The following ADAM12 variants were observed in gnomAD, a reference collection of about 807,000 sequenced individuals.
ADAM12 encodes the protein ADAM metallopeptidase domain 12.
A neutral mutation model predicts 106.4 loss-of-function variants in ADAM12; 70 were observed. The observed-to-expected ratio is 0.66, with a 90% CI of 0.54 to 0.80. The LOEUF is 0.80. ADAM12 is among the 30% of genes least tolerant of loss of function. The probability of loss-of-function intolerance (pLI) is 0.00; values close to 1 mark genes in which losing one functional copy is unlikely to be tolerated. For missense variants in ADAM12, 1,010 were observed against 1,171.9 expected, an observed-to-expected ratio of 0.86 and a Z score of 2.02; for synonymous variants, 420 against 433.5, an observed-to-expected ratio of 0.97 and a Z score of 0.39.
intron 3 of ADAM12, among the ~76,000 whole-genome samples, chr10:126,223,407 G>T (rs1304087636): frequency 6.6e-6 from 1 of 152,196 alleles, no homozygotes; most frequent in Non-Finnish European, 1.5e-5. Flanking sequence ...TTTCTCCAAG[G>T]AAATGATTCT....
intron 4 of ADAM12, among the ~76,000 whole-genome samples, chr10:126,137,206 T>C (rs1163839080): frequency 6.6e-6 from 1 of 152,184 alleles, no homozygotes; most frequent in Non-Finnish European, 1.5e-5. Flanking sequence ...ACATGCTACC[T>C]TGGCATATAT....
chr10:126,086,673 AAAAAAAAATATATAT>A (rs1458895237), intron 11 of ADAM12, among the ~76,000 whole-genome samples: 3 of 57,558 alleles, frequency 5.2e-5, no homozygotes, highest in South Asian at 7.3e-4. Context: ...AAAAAAAAAA[AAAAAAAAATATATAT>A]ATATATATAT....
intron 3 of ADAM12, among the ~76,000 whole-genome samples, chr10:126,255,679 G>A (rs981477876): frequency 9.2e-5 from 14 of 152,134 alleles, no homozygotes; most frequent in African/African-American, 3.1e-4. Flanking sequence ...TGGGGACTTC[G>A]TCTTACCTTT....
intron 4 of ADAM12, among the ~76,000 whole-genome samples, chr10:126,143,579 TTG>T (rs1565092051): frequency 9.3e-6 from 1 of 107,524 alleles, no homozygotes; most frequent in East Asian, 4.9e-4. Flanking sequence ...ATGTGTATAT[TTG>T]TGTGTGTATA....
At chr10:126,155,349 G>T in intron 3 of ADAM12, 44 bp from the exon 4 acceptor site, 1 of 1,546,382 alleles carries the variant, frequency 6.5e-7, no homozygotes, top group Non-Finnish European at 8.9e-7. Context: ...GTGCAGAATT[G>T]CATTGATACA....
chr10:126,124,562 G>C lies in ADAM12; in HGVS notation c.417-6338C>G, dbSNP rs192980427. Among the ~76,000 whole-genome samples the C allele has an allele frequency of 2.8e-3, 421 of 152,170 alleles. 3 individuals carry two copies. The highest frequency in any genetic ancestry group is 4.6e-3 in the Admixed American group (70 of 15,288). On this transcript the variant is annotated intron_variant, in intron 5 of 22. Transcript: ENST00000448723. ...AGGGTGTGGGAGCACGACAGAGGAGGTAAGAGTTTAAACTGTGATAAAACA... is the reference window on the plus strand; with the variant it reads ...AGGGTGTGGGAGCACGACAGAGGAGCTAAGAGTTTAAACTGTGATAAAACA...
chr10:126,036,184 T>C lies in ADAM12; in HGVS notation c.2491A>G (p.Arg831Gly). 6.6e-7 allele frequency: 1 copy of C among 1,525,374 alleles called. No individual in the cohort carries two copies. The highest frequency in any genetic ancestry group is 2.6e-5 in the East Asian group (1 of 38,560). The allele number at this position is 1,525,374 out of a possible 1,614,324, so 94.5% of individuals were successfully genotyped here. ...RAPRAPSVPARPLPAKPALRQ... is the reference protein window; with the variant it reads ...RAPRAPSVPAGPLPAKPALRQ... ...AGTGCAGGCTTGGCTGGCAGGGGTC[T>C]GGCAGGGACGCTAGGTGCACGTGGA... is the stretch of plus-strand genomic sequence containing the variant. Residue 831 changes from arginine to glycine, a missense_variant, in exon 21 of 23, where the codon AGA (arginine) becomes GGA (glycine). Transcript: ENST00000448723.
rs1474710230 is a variant in ADAM12, at chr10:126,275,200, A to C, written c.260+3715T>G. Among the ~76,000 whole-genome samples, 5 of 152,322 alleles carry C rather than the reference A, an allele frequency of 3.3e-5. No homozygotes were observed. The East Asian group carries it at 9.6e-4, about 29-fold the overall frequency. On this transcript the variant is annotated intron_variant, in intron 3 of 22. Transcript: ENST00000448723. ...TCCTAAACTGGAAAAGCTGATGCCA[A>C]AGCTGGCCAGCCTGTCCAATAAAAC...
chr10:126,201,116 G>T (rs966024122), intron 3 of ADAM12, among the ~76,000 whole-genome samples: 1 of 152,154 alleles, frequency 6.6e-6, no homozygotes, highest in African/African-American at 2.4e-5. Context: ...AACGGAGTGA[G>T]AAAAAGGGAT....
intron 3 of ADAM12, among the ~76,000 whole-genome samples, chr10:126,220,149 G>C (rs1958063140): frequency 6.6e-6 from 1 of 152,244 alleles, no homozygotes; most frequent in Non-Finnish European, 1.5e-5. Flanking sequence ...CCACTCTTCA[G>C]AGACATGTGT....
intron 14 of ADAM12, among the ~76,000 whole-genome samples, chr10:126,060,387 G>A (rs570638683): frequency 1.3e-4 from 20 of 152,146 alleles, no homozygotes; most frequent in Non-Finnish European, 2.6e-4. Flanking sequence ...CATCCTGAAT[G>A]TAACTGGAGA....
chr10:126,187,514 A>G (rs983078770), intron 3 of ADAM12, among the ~76,000 whole-genome samples: 2 of 152,130 alleles, frequency 1.3e-5, no homozygotes, highest in Middle Eastern at 3.2e-3. Context: ...CAGAAGGCTC[A>G]GGTCTGGAGT....
chr10:126,117,681 C>T (rs1037430676), intron 6 of ADAM12, among the ~76,000 whole-genome samples: 2 of 145,742 alleles, frequency 1.4e-5, no homozygotes, highest in Admixed American at 1.4e-4. Context: ...GTCATGGTGG[C>T]GCCCAACCCT....
rs549600832 is a variant in ADAM12, at chr10:126,282,998, C to T, written c.187-4010G>A. The stretch of plus-strand genomic sequence containing the variant: ...CACCATAATGTAGCATCAGTGGGAG[C>T]CCTGAGATTATTTTTCTGCAACTAG... On this transcript the variant is annotated intron_variant, in intron 2 of 22. Transcript: ENST00000448723. 3.5e-4 allele frequency among the ~76,000 whole-genome samples: 53 copies of T among 151,852 alleles called. No individual in the cohort carries two copies. The South Asian group carries it at 0.01, about 30-fold the overall frequency.
intron 14 of ADAM12, among the ~76,000 whole-genome samples, chr10:126,051,508 T>TCCAG (rs1301345163): frequency 1.2e-4 from 16 of 133,268 alleles, no homozygotes; most frequent in Admixed American, 5.3e-4. Context: ...CACCCGTCCA[T>TCCAG]CCATCCATCC....
Position 126,376,135 on chromosome 10 carries a change from A to T in ADAM12, c.88+11923T>A, listed in dbSNP as rs556572258. On this transcript the variant is annotated intron_variant, in intron 1 of 22. Coordinates refer to ENST00000448723, the MANE Select transcript of ADAM12 (RefSeq NM_001288973.2). ...TAGAATGAATAAGGAATGTATAGGA[A>T]AAAACAAAACTTACCCTTTCAGGTG... Among the ~76,000 whole-genome samples the T allele has an allele frequency of 5.2e-4, 79 of 152,306 alleles. No individual in the cohort carries two copies. The South Asian group carries it at 0.015, about 28-fold the overall frequency.
Position 126,052,871 on chromosome 10 carries a change from G to A in ADAM12, c.1610-3202C>T, listed in dbSNP as rs569647290. The stretch of plus-strand genomic sequence containing the variant: ...AAGTGAAAACACTGGATCTCTACTT[G>A]GGAATCCAAAGCTGAAACACACTGA... On this transcript the variant is annotated intron_variant, in intron 14 of 22. Transcript: ENST00000448723. 2.0e-5 allele frequency among the ~76,000 whole-genome samples: 3 copies of A among 152,284 alleles called. No individual in the cohort carries two copies. In the South Asian group the frequency reaches 6.2e-4, roughly 32 times the overall value.
intron 1 of ADAM12, among the ~76,000 whole-genome samples, chr10:126,332,938 T>C (rs1037692819): frequency 4.6e-5 from 7 of 152,298 alleles, no homozygotes; most frequent in Middle Eastern, 3.4e-3. Flanking sequence ...CAGAGTGCAA[T>C]TAACTGAACT....
At chr10:126,329,491 C>T (rs896517499) in intron 2 of ADAM12, among the ~76,000 whole-genome samples, 5 of 152,178 alleles carry the variant, frequency 3.3e-5, no homozygotes, top group Non-Finnish European at 5.9e-5. Context: ...CACCACTATA[C>T]TTGACTTGTA....
Sources: gnomAD v4.1 joint callset for allele counts (sites outside exome capture counted in the v4.1 genomes callset) on GRCh38, gnomAD v4.1.1 for gene constraint, MANE v1.5 for transcripts, NCBI Gene and HGNC (gene_info 2026-07-23, HGNC 2026-07-21) for gene names.